CAND2: variants seen among roughly 807,000 people sequenced by gnomAD.
CAND2 encodes cullin associated and neddylation dissociated 2 (putative).
A neutral mutation model predicts 98.9 loss-of-function variants in CAND2; 62 were observed. The observed-to-expected ratio is 0.63, with a 90% CI of 0.51 to 0.77. The LOEUF (loss-of-function observed/expected upper bound fraction) is 0.77. Ranked by LOEUF, CAND2 falls within the 30% of genes least tolerant of loss-of-function variation. The probability of loss-of-function intolerance (pLI) is 0.00; values close to 1 mark genes in which losing one functional copy is unlikely to be tolerated. For synonymous variants in CAND2, 770 were observed against 731.9 expected, an observed-to-expected ratio of 1.05 and a Z score of -0.84; for missense variants, 1,501 against 1,655.2, an observed-to-expected ratio of 0.91 and a Z score of 1.62.
Position 12,817,428 on chromosome 3 carries a change from G to A in CAND2, c.2496G>A (p.Ser832=), listed in dbSNP as rs759456618. ...TASRLVCDAR[S]PHSSTGVKVL... ...GTCGCCTGGTCTGCGATGCCAGGTCGCCCCACTCCAGCACGGGGGTCAAGG... is the reference window on the plus strand; with the variant it reads ...GTCGCCTGGTCTGCGATGCCAGGTCACCCCACTCCAGCACGGGGGTCAAGG... The change falls in exon 10 of 15, where the codon TCG becomes TCA. Residue 832 remains serine, a synonymous_variant. Coordinates refer to ENST00000456430, the MANE Select transcript of CAND2 (RefSeq NM_001162499.2). The A allele has an allele frequency of 1.4e-5, 22 of 1,613,578 alleles. No individual in the cohort carries two copies. Among genetic ancestry groups the A allele is most frequent in the Admixed American group, 6.7e-5 (4 of 60,002 alleles).
At chr3:12,809,192 G>A (rs2061830496) in intron 4 of CAND2, among the ~76,000 whole-genome samples, 1 of 152,070 alleles carries the variant, frequency 6.6e-6, no homozygotes, top group African/African-American at 2.4e-5. Flanking sequence ...AGACAGAGGT[G>A]CTGTGATGGG....
In CAND2 at chr3:12,817,861, A is replaced by C. The variant is rs1271919822; in HGVS notation, c.2929A>C (p.Lys977Gln). 3 of 1,505,814 alleles carry C rather than the reference A, an allele frequency of 2.0e-6. No homozygotes were observed. Among genetic ancestry groups the C allele is most frequent in the Non-Finnish European group, 2.7e-6 (3 of 1,126,718 alleles). 93.3% of individuals were successfully genotyped at this position (1,505,814 alleles called of 1,614,324 possible). The stretch of plus-strand genomic sequence containing the variant: ...TTCGTTCCTTCTGCCCCGCTTGCGG[A>C]AGCAGCTTGCTGCAGGTAGGCACAC... ...NPSFLLPRLR[K>Q]QLAAGRPHTR... Residue 977 changes from lysine to glutamine, a missense_variant, in exon 10 of 15, where the codon AAG becomes CAG. Lys to Gln is a moderately conservative substitution (Grantham distance 53). Around this residue, in one of 3 missense-constraint regions of CAND2, gnomAD observed 1,427 missense variants for 1,545.3 expected, o/e 0.92. Coordinates refer to ENST00000456430, the MANE Select transcript of CAND2 (RefSeq NM_001162499.2).
intron 1 of CAND2, 127 bp downstream of exon 1, chr3:12,796,915 A>G: frequency 1.3e-6 from 1 of 753,514 alleles, no homozygotes; most frequent in Non-Finnish European, 2.2e-6. Context: ...TTCTCCCTGC[A>G]TTAAGCTGCC....
chr3:12,802,917 G>A (rs977398147), intron 1 of CAND2, among the ~76,000 whole-genome samples: 5 of 151,070 alleles, frequency 3.3e-5, no homozygotes, highest in Admixed American at 6.6e-5. Context: ...TCTAAACATA[G>A]AAAAGGTACA....
At chr3:12,829,039 C>T (rs1273394055) in intron 13 of CAND2, among the ~76,000 whole-genome samples, 2 of 152,216 alleles carry the variant, frequency 1.3e-5, no homozygotes, top group Non-Finnish European at 2.9e-5. Flanking sequence ...CCTTTGGAAT[C>T]CTGCCTTCAG....
intron 11 of CAND2, among the ~76,000 whole-genome samples, chr3:12,822,191 A>T (rs2061961421): frequency 6.6e-6 from 1 of 151,808 alleles, no homozygotes; most frequent in African/African-American, 2.4e-5. Flanking sequence ...TTAGAGACTC[A>T]TGGCTTCTTC....
At chr3:12,829,738 C>T (rs1213173578) in intron 13 of CAND2, among the ~76,000 whole-genome samples, 2 of 152,176 alleles carry the variant, frequency 1.3e-5, no homozygotes, top group Non-Finnish European at 2.9e-5. Flanking sequence ...TCCCTGTTCT[C>T]AAAGCTGTGG....
At chr3:12,823,249 G>A (rs2061971724) in intron 11 of CAND2, among the ~76,000 whole-genome samples, 1 of 151,182 alleles carries the variant, frequency 6.6e-6, no homozygotes, top group Non-Finnish European at 1.5e-5. Flanking sequence ...TTCATAAGCT[G>A]GGTGGTTATG....
chr3:12,800,569 G>T (rs2061758518), intron 1 of CAND2, among the ~76,000 whole-genome samples: 1 of 152,198 alleles, frequency 6.6e-6, no homozygotes, highest in Non-Finnish European at 1.5e-5. Flanking sequence ...GCAGGAGCCA[G>T]TCAGTGGGTG....
At chr3:12,814,302 C>A (rs1467987218) in intron 7 of CAND2, among the ~76,000 whole-genome samples, 1 of 152,186 alleles carries the variant, frequency 6.6e-6, no homozygotes, top group Non-Finnish European at 1.5e-5. Context: ...AGACTGTCCC[C>A]CTCTGAGCCT....
chr3:12,823,460 G>A (rs1276900200), intron 11 of CAND2, among the ~76,000 whole-genome samples: 1 of 152,060 alleles, frequency 6.6e-6, no homozygotes, highest in Non-Finnish European at 1.5e-5. Context: ...TGGGCGCGGT[G>A]GCTCACGCCT....
At position 12,810,191 on chromosome 3, in the gene CAND2, C is replaced by A. The variant is rs1450041906; in HGVS notation, c.624C>A (p.Thr208=). ...GCCACCTGGCGGCCGCCTGCAGCACCGACCTCTTCGTCGAGCTCGCTGACC... is the reference window on the plus strand; with the variant it reads ...GCCACCTGGCGGCCGCCTGCAGCACAGACCTCTTCGTCGAGCTCGCTGACC... ...ALGHLAAACS[T]DLFVELADHL... is the part of the protein sequence containing the mutation. Residue 208 remains threonine (T), a synonymous_variant, in exon 5 of 15, where the codon ACC becomes ACA. Transcript: ENST00000456430. 2 of 1,540,232 alleles carry A rather than the reference C, an allele frequency of 1.3e-6. No homozygotes were observed. Among genetic ancestry groups the A allele is most frequent in the Non-Finnish European group, 8.7e-7 (1 of 1,148,368 alleles).
At chr3:12,798,464 C>T (rs987057587) in intron 1 of CAND2, among the ~76,000 whole-genome samples, 8 of 152,184 alleles carry the variant, frequency 5.3e-5, no homozygotes, top group Admixed American at 2.6e-4. Flanking sequence ...GCTGAGTACA[C>T]GGTAGGTGCT....
chr3:12,829,073 G>C (rs1464497338), intron 13 of CAND2, among the ~76,000 whole-genome samples: 2 of 152,216 alleles, frequency 1.3e-5, no homozygotes, highest in Non-Finnish European at 2.9e-5. Context: ...ACCCAGAAGT[G>C]AAATTGCTGG....
rs1472134190 is a variant in CAND2 at position 12,833,789 on chromosome 3, A to T, written c.3518A>T (p.Lys1173Met). Reference protein sequence around the residue: ...KAGSVKQEFEKQDELKRSAMR... With the variant: ...KAGSVKQEFEMQDELKRSAMR... Reference sequence around the variant, plus strand: ...GGTTCTGTGAAGCAGGAGTTTGAAAAGCAAGATGAACTGAAGCGCTCTGCA... The same window carrying T: ...GGTTCTGTGAAGCAGGAGTTTGAAATGCAAGATGAACTGAAGCGCTCTGCA... Residue 1173 changes from lysine (K) to methionine (M), a missense_variant, in exon 15 of 15, where the codon AAG (lysine) becomes ATG (methionine). By Grantham distance (95) the Lys-to-Met change is moderately conservative (BLOSUM62 -1). This residue lies in a region of CAND2 where 1,427 missense variants were observed against 1,545.3 expected (regional missense o/e 0.92). Coordinates refer to ENST00000456430, the MANE Select transcript of CAND2 (RefSeq NM_001162499.2). 1 of 1,614,156 alleles carries T rather than the reference A, an allele frequency of 6.2e-7. No individual in the cohort carries two copies. The highest frequency in any genetic ancestry group is 1.1e-5 in the South Asian group (1 of 91,082).
rs761571099 is a variant in CAND2 at position 12,827,550 on chromosome 3, C to T, written c.3321C>T (p.Ile1107=). 4.3e-6 allele frequency: 7 copies of T among 1,613,916 alleles called. No individual in the cohort carries two copies. The highest frequency in any genetic ancestry group is 2.7e-5 in the African/African-American group (2 of 74,906). ...AGAGCTGCCTGGGCCAGCTGGATATCTGTGAGTTCCTGAACCATGTGGAGG... is the reference window on the plus strand; with the variant it reads ...AGAGCTGCCTGGGCCAGCTGGATATTTGTGAGTTCCTGAACCATGTGGAGG... The part of the protein sequence containing the change: ...LLESCLGQLD[I]CEFLNHVEDG... Residue 1107 remains isoleucine, a synonymous_variant, in exon 13 of 15, where the codon ATC becomes ATT. Transcript: ENST00000456430.
rs182712663 is a variant in CAND2, at chr3:12,813,336, T to C, written c.954T>C (p.Ser318=). 4,648 of 1,613,914 alleles carry C rather than the reference T, an allele frequency of 2.9e-3. 23 individuals carry two copies. Among genetic ancestry groups the C allele is most frequent in the Middle Eastern group, 9.0e-3 (54 of 6,030 alleles). Residue 318 remains serine (S), a synonymous_variant, in exon 7 of 15, where the codon AGT becomes AGC. Coordinates refer to ENST00000456430, the MANE Select transcript of CAND2 (RefSeq NM_001162499.2). ...ACGACCCCAACTACAACTACGACAGTGATGAGGATGAGGAGCAGATGGAGA... is the reference window on the plus strand; with the variant it reads ...ACGACCCCAACTACAACTACGACAGCGATGAGGATGAGGAGCAGATGGAGA... ...IKHDPNYNYD[S]DEDEEQMETE...
At chr3:12,826,839 T>TC (rs1485212015) in intron 12 of CAND2, among the ~76,000 whole-genome samples, 1 of 150,132 alleles carries the variant, frequency 6.7e-6, no homozygotes, top group African/African-American at 2.5e-5. Context: ...ACTTTTTTTT[T>TC]TTTTTTTTTG....
In CAND2 at chr3:12,815,415, C is replaced by T; in HGVS notation, c.1281C>T (p.Leu427=). 1 of 1,611,908 alleles carries T rather than the reference C, an allele frequency of 6.2e-7. No individual in the cohort carries two copies. Among genetic ancestry groups the T allele is most frequent in the Non-Finnish European group, 8.5e-7 (1 of 1,178,806 alleles). The change falls in exon 8 of 15, where the codon CTC becomes CTT. Residue 427 remains leucine (L), a synonymous_variant. Transcript: ENST00000456430. The surrounding 1 kb of genome is among the most constrained non-coding windows in gnomAD (Gnocchi z 5.7). ...AACCCACCCAGACCGGCAGCAACCT[C>T]CATATGCTACGTGGACAGGTGGGCG... ...MEEPTQTGSN[L]HMLRGQVPLV... is the part of the protein sequence containing the mutation.
Sources: allele counts gnomAD v4.1 joint callset (sites outside exome capture counted in the v4.1 genomes callset), GRCh38; gene constraint gnomAD v4.1.1; regional missense constraint gnomAD v4.1.1; non-coding constraint Gnocchi (gnomAD v3.1); transcripts MANE v1.5; gene names NCBI Gene and HGNC (gene_info 2026-07-23, HGNC 2026-07-21).